PPARGC1A: variants seen among roughly 807,000 people sequenced by gnomAD.
The protein encoded by PPARGC1A is peroxisome proliferator-activated receptor gamma coactivator 1-alpha.
Under a neutral mutation model 88.7 loss-of-function variants are expected in PPARGC1A, and 25 were observed. That is an observed-to-expected ratio of 0.28 (90% CI 0.21 to 0.39). PPARGC1A has a LOEUF of 0.39. Ranked by LOEUF, PPARGC1A falls within the 10% of genes least tolerant of loss-of-function variation. The pLI is 1.00. For synonymous variants in PPARGC1A, 363 were observed against 355.6 expected (o/e 1.02, Z -0.24); for missense variants, 880 against 968.7 (o/e 0.91, Z 1.22).
At chr4:23,922,136 C>G in the PPARGC1A span, among the ~76,000 whole-genome samples, 1 of 152,288 alleles carries the variant, frequency 6.6e-6, no homozygotes, top group South Asian at 2.1e-4. Context: ...ACACAAACAC[C>G]TAAGATCCTT....
intron 2 of PPARGC1A, among the ~76,000 whole-genome samples, chr4:23,848,087 C>T (rs58433851): frequency 0.27 from 40,391 of 151,900 alleles, 5,831 homozygotes; most frequent in Admixed American, 0.36. Flanking sequence ...GTGAAATCTG[C>T]CATAGTTGTC....
chr4:24,256,813 G>A, the PPARGC1A span, among the ~76,000 whole-genome samples: 1 of 152,126 alleles, frequency 6.6e-6, no homozygotes, highest in Non-Finnish European at 1.5e-5. Context: ...ATTGTCTTCC[G>A]AAACTTTGAT....
At chr4:24,246,268 A>G in the PPARGC1A span, among the ~76,000 whole-genome samples, 1 of 152,184 alleles carries the variant, frequency 6.6e-6, no homozygotes, top group African/African-American at 2.4e-5. Flanking sequence ...CTCACAATAA[A>G]TGCATTTCCC....
chr4:24,289,975 G>C, the PPARGC1A span, among the ~76,000 whole-genome samples: 1 of 152,184 alleles, frequency 6.6e-6, no homozygotes, highest in African/African-American at 2.4e-5. Context: ...GAGGAGCAAA[G>C]TCACATCTTA....
chr4:24,187,093 C>T, the PPARGC1A span, among the ~76,000 whole-genome samples: 1 of 152,180 alleles, frequency 6.6e-6, no homozygotes, highest in Admixed American at 6.5e-5. Context: ...GAGTACTAGT[C>T]CCCTTTGCCT....
the PPARGC1A span, among the ~76,000 whole-genome samples, chr4:23,968,718 C>T: frequency 2.0e-5 from 3 of 152,086 alleles, no homozygotes; most frequent in Admixed American, 2.0e-4. Context: ...AGTTCGAGAA[C>T]AGTCTGGCCA....
the PPARGC1A span, among the ~76,000 whole-genome samples, chr4:24,223,918 T>C: frequency 1.3e-5 from 2 of 152,354 alleles, no homozygotes; most frequent in African/African-American, 2.4e-5. Flanking sequence ...TTAACAGTTT[T>C]CCCTTTTTTA....
At chr4:24,203,881 T>C in the PPARGC1A span, among the ~76,000 whole-genome samples, 1 of 152,252 alleles carries the variant, frequency 6.6e-6, no homozygotes, top group Non-Finnish European at 1.5e-5. Flanking sequence ...TGCTTTGAAG[T>C]GTTCATTTAA....
At chr4:24,027,227 C>CTGTGTGTGTGTGTG in the PPARGC1A span, among the ~76,000 whole-genome samples, 1 of 132,722 alleles carries the variant, frequency 7.5e-6, no homozygotes, top group Non-Finnish European at 1.6e-5. Context: ...GTCTGTGTGT[C>CTGTGTGTGTGTGTG]TGTGTGTGTC....
At chr4:24,043,130 T>C in the PPARGC1A span, among the ~76,000 whole-genome samples, 1 of 152,148 alleles carries the variant, frequency 6.6e-6, no homozygotes, top group African/African-American at 2.4e-5. Flanking sequence ...GGTCCTCTCC[T>C]ATGGAATCAG....
the PPARGC1A span, among the ~76,000 whole-genome samples, chr4:23,913,419 T>A: frequency 6.6e-6 from 1 of 151,678 alleles, no homozygotes; most frequent in South Asian, 2.1e-4. Flanking sequence ...AACTCTTAAA[T>A]CCTTTTCTCT....
chr4:23,814,303 T>C lies in PPARGC1A; in HGVS notation c.1180A>G (p.Thr394Ala), dbSNP rs774967599. The change falls in exon 8 of 13, where the codon ACA becomes GCA. Residue 394 changes from threonine (T) to alanine (A), a missense_variant. Thr to Ala is a moderately conservative substitution (Grantham distance 58). Transcript: ENST00000264867. ...TGTGATATATTAATGAGTATTTCTGTTTTGGAATTAATTGACTGGCAATAG... is the reference window on the plus strand; with the variant it reads ...TGTGATATATTAATGAGTATTTCTGCTTTGGAATTAATTGACTGGCAATAG... ...HDYCQSINSK[T>A]EILINISQEL... The C allele has an allele frequency of 2.5e-6, 4 of 1,613,944 alleles. No individual in the cohort carries two copies. Among genetic ancestry groups the C allele is most frequent in the Non-Finnish European group, 3.4e-6 (4 of 1,179,960 alleles).
At chr4:23,970,822 CA>C in the PPARGC1A span, among the ~76,000 whole-genome samples, 1 of 152,260 alleles carries the variant, frequency 6.6e-6, no homozygotes, top group South Asian at 2.1e-4. Context: ...CATTAAAGGT[CA>C]AAAGGCCATT....
At chr4:24,425,510 G>C in the PPARGC1A span, among the ~76,000 whole-genome samples, 1 of 152,142 alleles carries the variant, frequency 6.6e-6, no homozygotes, top group Non-Finnish European at 1.5e-5. Context: ...ATTAATGTTA[G>C]TCGTTTCTTA....
chr4:23,876,301 A>G (rs1007109858), intron 2 of PPARGC1A, among the ~76,000 whole-genome samples: 1 of 152,244 alleles, frequency 6.6e-6, no homozygotes, highest in African/African-American at 2.4e-5. Flanking sequence ...ATAGTGCTGG[A>G]GCATACCCAA....
chr4:24,401,673 G>T, the PPARGC1A span, among the ~76,000 whole-genome samples: 1 of 152,096 alleles, frequency 6.6e-6, no homozygotes, highest in East Asian at 1.9e-4. Flanking sequence ...GAAAGAGCAT[G>T]GCAGAGTCGT....
the PPARGC1A span, among the ~76,000 whole-genome samples, chr4:24,356,107 G>T: frequency 6.6e-6 from 1 of 151,430 alleles, no homozygotes; most frequent in Non-Finnish European, 1.5e-5. Context: ...TGAGACAGGA[G>T]AATCGCTTGA....
chr4:24,332,905 T>C, the PPARGC1A span, among the ~76,000 whole-genome samples: 3 of 152,224 alleles, frequency 2.0e-5, no homozygotes, highest in Non-Finnish European at 4.4e-5. Context: ...GAAATATTCA[T>C]AGTGAGTCTA....
At chr4:24,168,828 A>C in the PPARGC1A span, among the ~76,000 whole-genome samples, 3 of 152,256 alleles carry the variant, frequency 2.0e-5, no homozygotes, top group African/African-American at 7.2e-5. Context: ...TGAATAAATA[A>C]GTGAATTAGG....
Sources: gnomAD v4.1 joint callset for allele counts (sites outside exome capture counted in the v4.1 genomes callset) on GRCh38, gnomAD v4.1.1 for gene constraint, MANE v1.5 for transcripts, NCBI Gene and HGNC (gene_info 2026-07-23, HGNC 2026-07-21) for gene names.